CDH13: variants seen among roughly 807,000 people sequenced by gnomAD.
CDH13 encodes cadherin 13.
Under a neutral mutation model 63.8 loss-of-function variants are expected in CDH13, and 24 were observed. The ratio of observed to expected loss-of-function variants is 0.38; its 90% CI spans 0.27 to 0.53. The LOEUF is 0.53. Ranked by LOEUF, CDH13 falls within the 20% of genes least tolerant of loss-of-function variation. The probability of loss-of-function intolerance (pLI) is 0.85; values close to 1 mark genes in which losing one functional copy is unlikely to be tolerated. For synonymous variants in CDH13, 503 were observed against 355.3 expected, an observed-to-expected ratio of 1.42 and a Z score of -4.67; for missense variants, 1,049 against 903.1, an observed-to-expected ratio of 1.16 and a Z score of -2.07.
At chr16:83,318,454 C>T (rs1305947702) in intron 5 of CDH13, among the ~76,000 whole-genome samples, 1 of 152,220 alleles carries the variant, frequency 6.6e-6, no homozygotes, top group Non-Finnish European at 1.5e-5. Context: ...GGGATTCACA[C>T]AGACTTTAGG....
At chr16:83,189,036 T>C (rs2038615168) in intron 4 of CDH13, among the ~76,000 whole-genome samples, 1 of 152,216 alleles carries the variant, frequency 6.6e-6, no homozygotes, top group Non-Finnish European at 1.5e-5. Context: ...ATGGGCATGG[T>C]GCATTTTCTG....
chr16:83,378,329 G>A (rs1390603584), intron 6 of CDH13, among the ~76,000 whole-genome samples: 1 of 152,206 alleles, frequency 6.6e-6, no homozygotes, highest in African/African-American at 2.4e-5. Flanking sequence ...TAGCTCACAT[G>A]TGGCCTCCTG....
intron 3 of CDH13, among the ~76,000 whole-genome samples, chr16:83,093,658 A>C (rs1046071747): frequency 2.0e-5 from 3 of 152,038 alleles, no homozygotes; most frequent in Non-Finnish European, 2.9e-5. Flanking sequence ...ATTTCAAACA[A>C]TATGGGAATC....
chr16:83,007,267 A>G (rs754937037), intron 2 of CDH13, among the ~76,000 whole-genome samples: 1 of 152,166 alleles, frequency 6.6e-6, no homozygotes, highest in Non-Finnish European at 1.5e-5. Flanking sequence ...TCATTGACAC[A>G]TTACTCTGTG....
chr16:82,938,457 C>T (rs565075237), intron 2 of CDH13, among the ~76,000 whole-genome samples: 2 of 152,168 alleles, frequency 1.3e-5, no homozygotes, highest in Non-Finnish European at 2.9e-5. Context: ...AATTTCAATA[C>T]TGAGCTTTTG....
At chr16:83,015,716 TATATATAA>T (rs1914721364) in intron 2 of CDH13, among the ~76,000 whole-genome samples, 1 of 118,588 alleles carries the variant, frequency 8.4e-6, no homozygotes, top group African/African-American at 3.2e-5. Context: ...TATATATATA[TATATATAA>T]AGAAAAAGCA....
rs9934781 is a variant in CDH13, at chr16:83,085,978, A to C, written c.367-39407A>C. Among the ~76,000 whole-genome samples the C allele has an allele frequency of 9.5e-4, 145 of 152,316 alleles. 2 individuals are homozygous for C. Among genetic ancestry groups the C allele is most frequent in the African/African-American group, 3.2e-3 (135 of 41,566 alleles). ...GCCAGCTCACATCCTTTGCTGAGAG[A>C]GTTAAACGTATTTGTCTCAAATCAG... On this transcript the variant is annotated intron_variant, in intron 3 of 13. Coordinates refer to ENST00000567109, the MANE Select transcript of CDH13 (RefSeq NM_001257.5).
At chr16:83,541,713 G>T (rs1470923955) in intron 7 of CDH13, among the ~76,000 whole-genome samples, 2 of 152,170 alleles carry the variant, frequency 1.3e-5, no homozygotes, top group Non-Finnish European at 1.5e-5. Flanking sequence ...AGAAATTCAT[G>T]GTTGGTTTTT....
chr16:83,356,248 G>A (rs930538825), intron 6 of CDH13, among the ~76,000 whole-genome samples: 2 of 115,602 alleles, frequency 1.7e-5, no homozygotes, highest in African/African-American at 8.1e-5. Flanking sequence ...GTGTGTGTGT[G>A]TGTGTGTGTG....
intron 8 of CDH13, among the ~76,000 whole-genome samples, chr16:83,609,617 ATTAT>A (rs1908674215): frequency 6.6e-6 from 1 of 152,212 alleles, no homozygotes; most frequent in Admixed American, 6.5e-5. Context: ...CTCTTAATAA[ATTAT>A]TTGAGGCAGA....
intron 1 of CDH13, among the ~76,000 whole-genome samples, chr16:82,749,532 A>G (rs577202385): frequency 6.6e-6 from 1 of 152,218 alleles, no homozygotes; most frequent in Non-Finnish European, 1.5e-5. Context: ...CCTGTGCTAC[A>G]GATACAAAAA....
intron 4 of CDH13, among the ~76,000 whole-genome samples, chr16:83,151,447 C>T (rs2036975549): frequency 6.6e-6 from 1 of 152,160 alleles, no homozygotes; most frequent in Non-Finnish European, 1.5e-5. Flanking sequence ...GTGAAATGTA[C>T]CTATGGGAGG....
chr16:83,120,825 G>A (rs1371851602), intron 3 of CDH13, among the ~76,000 whole-genome samples: 2 of 142,428 alleles, frequency 1.4e-5, no homozygotes, highest in Non-Finnish European at 3.0e-5. Flanking sequence ...GTACAGTGGC[G>A]CGATCTCAGC....
At chr16:83,182,848 T>C (rs1358896483) in intron 4 of CDH13, among the ~76,000 whole-genome samples, 1 of 152,242 alleles carries the variant, frequency 6.6e-6, no homozygotes, top group Non-Finnish European at 1.5e-5. Context: ...CTCTTTACTT[T>C]GTGATTCTTT....
intron 4 of CDH13, among the ~76,000 whole-genome samples, chr16:83,200,179 G>T (rs151298808): frequency 6.6e-6 from 1 of 152,110 alleles, no homozygotes; most frequent in Non-Finnish European, 1.5e-5. Flanking sequence ...TCTTTGTAAC[G>T]CCTTAACAGG....
At chr16:82,810,689 A>C (rs1211324534) in intron 1 of CDH13, among the ~76,000 whole-genome samples, 1 of 152,092 alleles carries the variant, frequency 6.6e-6, no homozygotes, top group Non-Finnish European at 1.5e-5. Context: ...TTTCAAGTAC[A>C]TGGGATTGGG....
chr16:82,852,103 C>G (rs933625295), intron 1 of CDH13, among the ~76,000 whole-genome samples: 3 of 152,176 alleles, frequency 2.0e-5, no homozygotes, highest in Non-Finnish European at 2.9e-5. Context: ...TGAGAGTGTT[C>G]TCAACCTCGT....
intron 6 of CDH13, among the ~76,000 whole-genome samples, chr16:83,362,695 A>G (rs2091184816): frequency 6.6e-6 from 1 of 152,178 alleles, no homozygotes; most frequent in Admixed American, 6.5e-5. Flanking sequence ...ATCTTCCTTC[A>G]AGGATACTGC....
intron 2 of CDH13, among the ~76,000 whole-genome samples, chr16:82,862,731 G>A (rs2039992400): frequency 1.3e-5 from 2 of 152,216 alleles, no homozygotes; most frequent in Admixed American, 1.3e-4. Flanking sequence ...GGCTAGGCTA[G>A]GCCATGGTGT....
Sources: allele counts gnomAD v4.1 joint callset (sites outside exome capture counted in the v4.1 genomes callset), GRCh38; gene constraint gnomAD v4.1.1; transcripts MANE v1.5; gene names NCBI Gene and HGNC (gene_info 2026-07-23, HGNC 2026-07-21).